CCDC192: variants seen among roughly 807,000 people sequenced by gnomAD.
The protein encoded by CCDC192 is coiled-coil domain containing 192.
chr5:127,714,319 C>T (rs1047954221), intron 2 of CCDC192, among the ~76,000 whole-genome samples: 3 of 152,186 alleles, frequency 2.0e-5, no homozygotes, highest in Non-Finnish European at 4.4e-5. Flanking sequence ...GCAGATATCT[C>T]TTTGACATAC....
At chr5:127,920,417 T>C (rs1753676904) in intron 6 of CCDC192, among the ~76,000 whole-genome samples, 1 of 150,050 alleles carries the variant, frequency 6.7e-6, no homozygotes, top group South Asian at 2.1e-4. Flanking sequence ...CTTTTTTTTT[T>C]TTTTTTTTGA....
chr5:127,772,677 CTATA>C (rs1285591850), intron 3 of CCDC192, among the ~76,000 whole-genome samples: 1 of 152,096 alleles, frequency 6.6e-6, no homozygotes, highest in Non-Finnish European at 1.5e-5. Flanking sequence ...CCAGGGACCT[CTATA>C]TATTGCATAC....
At chr5:127,874,853 T>G (rs927845811) in intron 5 of CCDC192, among the ~76,000 whole-genome samples, 2 of 152,196 alleles carry the variant, frequency 1.3e-5, no homozygotes, top group African/African-American at 4.8e-5. Flanking sequence ...AAAGGAACTT[T>G]CGAGTCATGA....
chr5:127,832,577 T>C (rs1299874650), intron 5 of CCDC192, among the ~76,000 whole-genome samples: 1 of 152,052 alleles, frequency 6.6e-6, no homozygotes, highest in Non-Finnish European at 1.5e-5. Context: ...CAGAAAAAAT[T>C]ACAAAATTCA....
At chr5:127,925,815 G>A (rs896105187) in intron 6 of CCDC192, among the ~76,000 whole-genome samples, 1 of 152,136 alleles carries the variant, frequency 6.6e-6, no homozygotes, top group African/African-American at 2.4e-5. Context: ...GGCATCTTCT[G>A]AACTGAACCC....
intron 2 of CCDC192, among the ~76,000 whole-genome samples, chr5:127,709,142 G>C (rs1205531073): frequency 8.9e-6 from 1 of 112,274 alleles, no homozygotes; most frequent in Non-Finnish European, 1.9e-5. Flanking sequence ...AGAGGGAGGA[G>C]AGAAAGAAGA....
intron 6 of CCDC192, among the ~76,000 whole-genome samples, chr5:127,902,412 G>C (rs1176442851): frequency 6.7e-6 from 1 of 150,266 alleles, no homozygotes; most frequent in African/African-American, 2.5e-5. Context: ...GTTTGTTAAA[G>C]AAAACAGAAC....
At chr5:127,836,361 CTG>C (rs1477217048) in intron 5 of CCDC192, among the ~76,000 whole-genome samples, 1 of 152,192 alleles carries the variant, frequency 6.6e-6, no homozygotes, top group African/African-American at 2.4e-5. Context: ...CCTTGAGTGT[CTG>C]TAGCTTTTCC....
chr5:127,934,551 T>C (rs1242440106), intron 6 of CCDC192, among the ~76,000 whole-genome samples: 4 of 152,296 alleles, frequency 2.6e-5, no homozygotes, highest in East Asian at 3.9e-4. Context: ...GCACTATAGA[T>C]TGGTCTCTTT....
chr5:127,832,452 C>CA (rs1435698591), intron 5 of CCDC192, among the ~76,000 whole-genome samples: 1 of 151,908 alleles, frequency 6.6e-6, no homozygotes, highest in East Asian at 1.9e-4. Context: ...AGTATAATCG[C>CA]ATTAATGTGA....
intron 5 of CCDC192, among the ~76,000 whole-genome samples, chr5:127,873,492 A>G (rs1751944196): frequency 6.6e-6 from 1 of 152,136 alleles, no homozygotes; most frequent in Non-Finnish European, 1.5e-5. Flanking sequence ...TCTCTATCAA[A>G]CTGTCTTATT....
intron 5 of CCDC192, among the ~76,000 whole-genome samples, chr5:127,851,101 G>A (rs553715681): frequency 6.6e-6 from 1 of 152,144 alleles, no homozygotes; most frequent in Admixed American, 6.5e-5. Flanking sequence ...CTGCAGGATT[G>A]GGTGCTTGTC....
intron 5 of CCDC192, among the ~76,000 whole-genome samples, chr5:127,867,373 A>G (rs756706752): frequency 6.6e-6 from 1 of 152,230 alleles, no homozygotes; most frequent in Non-Finnish European, 1.5e-5. Flanking sequence ...TAATCATGTT[A>G]GAAGAGCTTA....
chr5:127,900,449 T>C (rs1022706625), intron 6 of CCDC192, among the ~76,000 whole-genome samples: 10 of 152,170 alleles, frequency 6.6e-5, no homozygotes, highest in African/African-American at 2.4e-4. Flanking sequence ...CCGAAAAACA[T>C]GTGAGATGAG....
intron 5 of CCDC192, among the ~76,000 whole-genome samples, chr5:127,846,475 T>C (rs1750545114): frequency 6.6e-6 from 1 of 152,032 alleles, no homozygotes; most frequent in Admixed American, 6.6e-5. Context: ...ATTTTGTTTT[T>C]ATTTTTATTT....
At chr5:127,846,777 C>T (rs1750563988) in intron 5 of CCDC192, among the ~76,000 whole-genome samples, 1 of 128,820 alleles carries the variant, frequency 7.8e-6, no homozygotes, top group Non-Finnish European at 1.6e-5. Flanking sequence ...GCCATAGTGC[C>T]TATTTTAATT....
At chr5:127,826,191 A>G (rs1749523078) in intron 5 of CCDC192, among the ~76,000 whole-genome samples, 1 of 152,212 alleles carries the variant, frequency 6.6e-6, no homozygotes, top group African/African-American at 2.4e-5. Flanking sequence ...AATGTTCCAC[A>G]TCACTAATAT....
At chr5:127,784,846 T>C (rs528114725) in intron 3 of CCDC192, 5 of 456,872 alleles carry the variant, frequency 1.1e-5, no homozygotes, top group Non-Finnish European at 2.2e-5. Context: ...TATTTTTGTT[T>C]GTGTTTTCTT....
chr5:127,750,813 A>G (rs565523214), intron 2 of CCDC192, among the ~76,000 whole-genome samples: 12 of 151,524 alleles, frequency 7.9e-5, no homozygotes, highest in Admixed American at 3.3e-4. Context: ...TTGGGTGCAT[A>G]TATATTTAGG....
Sources: allele counts gnomAD v4.1 joint callset (sites outside exome capture counted in the v4.1 genomes callset), GRCh38; gene constraint gnomAD v4.1.1; transcripts MANE v1.5; gene names NCBI Gene and HGNC (gene_info 2026-07-23, HGNC 2026-07-21).